The following MGST1 variants were observed in gnomAD, a reference collection of about 807,000 sequenced individuals.
MGST1 encodes glutathione S-transferase 12.
In MGST1, 5 loss-of-function variants were observed where a neutral mutation model predicts 8.9. The observed-to-expected ratio is 0.56, with a 90% CI of 0.29 to 1.19. The LOEUF (loss-of-function observed/expected upper bound fraction) is 1.19, where lower values mean the gene tolerates loss of function less well. Among genes scored for constraint, MGST1 ranks in the 50% most tolerant of loss-of-function variants. MGST1 has a pLI of 0.08. For missense variants in MGST1, 182 were observed against 187.4 expected (o/e 0.97, Z 0.17); for synonymous variants, 54 against 67.8 (o/e 0.80, Z 1.00).
intron 4 of MGST1, among the ~76,000 whole-genome samples, chr12:16,450,718 C>T (rs1941121644): frequency 6.6e-6 from 1 of 151,942 alleles, no homozygotes. Flanking sequence ...TCACTTTCTT[C>T]CCAGCATGAG....
At position 16,363,393 on chromosome 12, in the gene MGST1, A is replaced by G. The variant is rs1940085952; in HGVS notation, c.222-402A>G. 6.6e-6 allele frequency: 1 copy of G among 152,488 alleles called. No homozygotes were observed. Among genetic ancestry groups the G allele is most frequent in the African/African-American group, 2.4e-5 (1 of 41,472 alleles). 9.4% of individuals were successfully genotyped at this position (152,488 alleles called of 1,614,324 possible). ...AAGCAAAGGAGGTGTCTTAAGAAAA[A>G]TCAACACCAAAAGGGTTTTCTTCCT... On this transcript the variant is annotated intron_variant, in intron 3 of 3. Coordinates refer to ENST00000396210, the MANE Select transcript of MGST1 (RefSeq NM_020300.5). This position sits in a 1 kb window ranked among gnomAD's most constrained non-coding sequence, Gnocchi z 4.6.
chr12:16,364,208 A>G lies in MGST1; in HGVS notation c.*167A>G. 2 of 1,289,596 alleles carry G rather than the reference A, an allele frequency of 1.6e-6. No individual in the cohort carries two copies. Among genetic ancestry groups the G allele is most frequent in the Non-Finnish European group, 2.0e-6 (2 of 1,018,154 alleles). 79.9% of individuals were successfully genotyped at this position (1,289,596 alleles called of 1,614,324 possible). ...TGCCAATATCCTGTATTCTTGTTTTACATTTGGATTAGAAATTTAACATAG... is the reference window on the plus strand; with the variant it reads ...TGCCAATATCCTGTATTCTTGTTTTGCATTTGGATTAGAAATTTAACATAG... On this transcript the variant is annotated 3_prime_UTR_variant, in exon 4 of 4. Transcript: ENST00000396210. The surrounding 1 kb of genome is among the most constrained non-coding windows in gnomAD (Gnocchi z 5.7).
At chr12:16,491,938 A>G (rs146572055) in intron 4 of MGST1, among the ~76,000 whole-genome samples, 135 of 152,302 alleles carry the variant, frequency 8.9e-4, no homozygotes, top group African/African-American at 3.1e-3. Context: ...TTAAAATATC[A>G]AGGTAGCACC....
In MGST1 at chr12:16,560,544, A is replaced by G; in HGVS notation, n.483-28984A>G. The G allele has an allele frequency of 1.3e-6, 2 of 1,588,862 alleles. No individual in the cohort carries two copies. The highest frequency in any genetic ancestry group is 1.7e-6 in the Non-Finnish European group (2 of 1,172,096). Reference sequence around the variant, plus strand: ...TTCCCGTTACACCAAAGAGCCTAGAATAAGAAACATTTTTTTTTTTTTACA... The same window carrying G: ...TTCCCGTTACACCAAAGAGCCTAGAGTAAGAAACATTTTTTTTTTTTTACA... On this transcript the variant is annotated intron_variant and non_coding_transcript_variant, in intron 4 of 4. Coordinates refer to the MGST1 transcript ENST00000538857. This position sits in a 1 kb window ranked among gnomAD's most constrained non-coding sequence, Gnocchi z 5.0.
chr12:16,555,209 G>A lies in MGST1; in HGVS notation n.483-34319G>A, dbSNP rs769149187. 6.6e-6 allele frequency among the ~76,000 whole-genome samples: 1 copy of A among 152,080 alleles called. No homozygotes were observed. The highest frequency in any genetic ancestry group is 6.5e-5 in the Admixed American group (1 of 15,268). On this transcript the variant is annotated intron_variant and non_coding_transcript_variant, in intron 4 of 4. Transcript: ENST00000538857. This position sits in a 1 kb window ranked among gnomAD's most constrained non-coding sequence, Gnocchi z 5.5. ...TGATAATCTTTTCACCTTTACTTAA[G>A]TTGTTCCCTAGCAAGAAATATTTCT...
intron 4 of MGST1, among the ~76,000 whole-genome samples, chr12:16,445,512 T>A (rs1941072971): frequency 6.6e-6 from 1 of 151,944 alleles, no homozygotes; most frequent in Admixed American, 6.6e-5. Flanking sequence ...AAAATCCAGA[T>A]CTCTTTATGA....
At position 16,537,085 on chromosome 12, in the gene MGST1, A is replaced by C. The variant is rs924183706; in HGVS notation, n.483-52443A>C. On this transcript the variant is annotated intron_variant and non_coding_transcript_variant, in intron 4 of 4. Coordinates refer to the MGST1 transcript ENST00000538857. The surrounding 1 kb of genome is among the most constrained non-coding windows in gnomAD (Gnocchi z 4.6). ...CTATGAACCTGTAAAGTCAAAAGCA[A>C]GTTAGTTACTTCCTAGATACAACGG... Among the ~76,000 whole-genome samples, 5 of 152,198 alleles carry C rather than the reference A, an allele frequency of 3.3e-5. No homozygotes were observed. The highest frequency in any genetic ancestry group is 1.2e-4 in the African/African-American group (5 of 41,440).
At chr12:16,508,240 A>G (rs759733833) in intron 4 of MGST1, among the ~76,000 whole-genome samples, 2 of 152,186 alleles carry the variant, frequency 1.3e-5, no homozygotes, top group East Asian at 1.9e-4. Flanking sequence ...CAATGAATAC[A>G]TAGGTGTAAC....
At chr12:16,499,811 C>T (rs1941493865) in intron 4 of MGST1, among the ~76,000 whole-genome samples, 1 of 152,142 alleles carries the variant, frequency 6.6e-6, no homozygotes, top group African/African-American at 2.4e-5. Context: ...GCTGTGGAAT[C>T]CTGGCAGATT....
At chr12:16,350,965 G>A (rs774943031) in intron 1 of MGST1, among the ~76,000 whole-genome samples, 1 of 152,008 alleles carries the variant, frequency 6.6e-6, no homozygotes, top group Non-Finnish European at 1.5e-5. Context: ...TGACTTCTTT[G>A]TGTACTTTCC....
chr12:16,538,823 G>T (rs1941774658), intron 4 of MGST1, among the ~76,000 whole-genome samples: 1 of 151,896 alleles, frequency 6.6e-6, no homozygotes, highest in East Asian at 1.9e-4. Context: ...TTAGCCAGGA[G>T]GGTATCGATC....
chr12:16,578,648 T>G (rs1943066395), intron 4 of MGST1, among the ~76,000 whole-genome samples: 1 of 152,028 alleles, frequency 6.6e-6, no homozygotes, highest in African/African-American at 2.4e-5. Flanking sequence ...TGAAGCCCCA[T>G]GTCTACTAAA....
intron 3 of MGST1, among the ~76,000 whole-genome samples, chr12:16,358,282 C>T (rs960400119): frequency 1.3e-5 from 2 of 152,260 alleles, no homozygotes; most frequent in South Asian, 4.1e-4. Context: ...CAACCTTTGT[C>T]TCCCCTTCTG....
chr12:16,568,596 AAAG>A (rs1942699696), intron 4 of MGST1, among the ~76,000 whole-genome samples: 1 of 152,226 alleles, frequency 6.6e-6, no homozygotes. Context: ...TTAGCACAAA[AAAG>A]AAAAATATTT....
chr12:16,426,431 A>G (rs1940889562), intron 1 of MGST1, among the ~76,000 whole-genome samples: 1 of 152,152 alleles, frequency 6.6e-6, no homozygotes, highest in Admixed American at 6.5e-5. Context: ...TTCCCTCTGC[A>G]TTCTTTTTGT....
At chr12:16,456,461 A>G in intron 4 of MGST1, among the ~76,000 whole-genome samples, 1 of 151,924 alleles carries the variant, frequency 6.6e-6, no homozygotes, top group East Asian at 1.9e-4. Context: ...GCTCACACAA[A>G]TATTCTATCC....
intron 4 of MGST1, among the ~76,000 whole-genome samples, chr12:16,477,239 T>C (rs573872142): frequency 1.3e-5 from 2 of 151,302 alleles, no homozygotes; most frequent in Non-Finnish European, 2.9e-5. Context: ...GTCTTCCTGA[T>C]TTTTTTCTGA....
chr12:16,407,571 C>T (rs1159134774), intron 1 of MGST1, among the ~76,000 whole-genome samples: 1 of 151,956 alleles, frequency 6.6e-6, no homozygotes, highest in Non-Finnish European at 1.5e-5. Flanking sequence ...TGGCATATAC[C>T]CAGAGGAATA....
intron 4 of MGST1, among the ~76,000 whole-genome samples, chr12:16,558,182 T>A (rs7975434): frequency 0.25 from 37,377 of 152,022 alleles, 5,521 homozygotes; most frequent in South Asian, 0.38. Context: ...AATGTGAGTG[T>A]AATATTTATA....
Sources: gnomAD v4.1 joint callset for allele counts (sites outside exome capture counted in the v4.1 genomes callset) on GRCh38, gnomAD v4.1.1 for gene constraint, Gnocchi (gnomAD v3.1) non-coding constraint, MANE v1.5 for transcripts, NCBI Gene and HGNC (gene_info 2026-07-23, HGNC 2026-07-21) for gene names.